MACROH2A1: variants seen among roughly 807,000 people sequenced by gnomAD.
MACROH2A1 encodes macroH2A.1 histone, also known as core histone macro-H2A.1.
Under a neutral mutation model 31.6 loss-of-function variants are expected in MACROH2A1, and 2 were observed. The ratio of observed to expected loss-of-function variants is 0.06; its 90% CI spans 0.03 to 0.20. The LOEUF is 0.20. MACROH2A1 is among the 10% of genes least tolerant of loss of function. The probability of loss-of-function intolerance (pLI) is 1.00; values close to 1 mark genes in which losing one functional copy is unlikely to be tolerated. For synonymous variants in MACROH2A1, 169 were observed against 189.6 expected (o/e 0.89, Z 0.89); for missense variants, 230 against 474.0 (o/e 0.49, Z 4.78).
At chr5:135,355,335 A>C (rs779163138) in intron 5 of MACROH2A1, 1 of 445,118 alleles carries the variant, frequency 2.2e-6, no homozygotes, top group South Asian at 1.6e-5. Context: ...GGAAGTGCAG[A>C]CTACAGTACC....
chr5:135,369,633 G>C lies in MACROH2A1; in HGVS notation c.280-30C>G, dbSNP rs1269477444. 8 of 1,557,500 alleles carry C rather than the reference G, an allele frequency of 5.1e-6. No individual in the cohort carries two copies. Among genetic ancestry groups the C allele is most frequent in the Non-Finnish European group, 6.2e-6 (7 of 1,129,910 alleles). Reference sequence around the variant, plus strand: ...CAGGAAAACCAGAATAGCAGATAGTGAGCCAGATACCCTGCTTCTAACCTT... The same window carrying C: ...CAGGAAAACCAGAATAGCAGATAGTCAGCCAGATACCCTGCTTCTAACCTT... On this transcript the variant is annotated intron_variant, in intron 3 of 8. Transcript: ENST00000511689. The surrounding 1 kb of genome is among the most constrained non-coding windows in gnomAD (Gnocchi z 4.3).
intron 5 of MACROH2A1, chr5:135,359,166 A>C (rs1466609158): frequency 1.0e-6 from 1 of 985,380 alleles, no homozygotes; most frequent in African/African-American, 1.7e-5. Context: ...TAACAAGAAC[A>C]TAGGCAGGGG....
intron 1 of MACROH2A1, among the ~76,000 whole-genome samples, chr5:135,393,290 T>G (rs1767506852): frequency 6.6e-6 from 1 of 152,156 alleles, no homozygotes; most frequent in African/African-American, 2.4e-5. Flanking sequence ...GCACATCACT[T>G]CTGACCATGA....
chr5:135,385,280 T>G (rs1766235838), intron 2 of MACROH2A1, among the ~76,000 whole-genome samples: 1 of 152,226 alleles, frequency 6.6e-6, no homozygotes, highest in Non-Finnish European at 1.5e-5. Context: ...CTCTGGTAAC[T>G]GGTTAACAAG....
At chr5:135,343,586 G>T in intron 7 of MACROH2A1, 152 bp from the exon 8 acceptor site, 1 of 1,228,126 alleles carries the variant, frequency 8.1e-7, no homozygotes, top group Non-Finnish European at 1.1e-6. Context: ...CTGCTGCGTT[G>T]TGATTCCAAC....
rs764735355 is a variant in MACROH2A1, at chr5:135,369,859, A to T, written c.279+177T>A. 1.3e-5 allele frequency among the ~76,000 whole-genome samples: 2 copies of T among 152,098 alleles called. No homozygotes were observed. Among genetic ancestry groups the T allele is most frequent in the Non-Finnish European group, 2.9e-5 (2 of 68,024 alleles). ...TACCTTGTATTATCCTGCTTCCCCCAACACTCCCAATAAGGCCTTGGGGAA... is the reference window on the plus strand; with the variant it reads ...TACCTTGTATTATCCTGCTTCCCCCTACACTCCCAATAAGGCCTTGGGGAA... On this transcript the variant is annotated intron_variant, in intron 3 of 8. Transcript: ENST00000511689. This position sits in a 1 kb window ranked among gnomAD's most constrained non-coding sequence, Gnocchi z 4.3.
intron 8 of MACROH2A1, among the ~76,000 whole-genome samples, chr5:135,336,644 A>T (rs373993540): frequency 1.6e-5 from 2 of 126,230 alleles, no homozygotes; most frequent in Admixed American, 1.4e-4. Flanking sequence ...ATTCTAGACT[A>T]GACTAACAGG....
chr5:135,364,876 C>A (rs1763301164), intron 4 of MACROH2A1, among the ~76,000 whole-genome samples: 1 of 152,166 alleles, frequency 6.6e-6, no homozygotes, highest in African/African-American at 2.4e-5. Context: ...ATTTATTCCT[C>A]AACAAGAGAA....
intron 6 of MACROH2A1, chr5:135,350,616 G>C: frequency 2.0e-6 from 1 of 495,006 alleles, no homozygotes; most frequent in Non-Finnish European, 3.6e-6. Flanking sequence ...ATGTCCATTT[G>C]TGAGCTGCAT....
chr5:135,371,852 G>A (rs747873268), intron 2 of MACROH2A1, among the ~76,000 whole-genome samples: 2 of 152,154 alleles, frequency 1.3e-5, no homozygotes, highest in Non-Finnish European at 2.9e-5. Flanking sequence ...CCAGCACTCA[G>A]AATCATTATG....
chr5:135,390,343 T>G (rs1011075398), intron 1 of MACROH2A1, among the ~76,000 whole-genome samples: 3 of 152,214 alleles, frequency 2.0e-5, no homozygotes, highest in Non-Finnish European at 4.4e-5. Context: ...CCTAACTGTA[T>G]TCCTACTGTA....
intron 1 of MACROH2A1, chr5:135,389,329 T>G: frequency 2.6e-6 from 1 of 383,680 alleles, no homozygotes; most frequent in Non-Finnish European, 4.7e-6. Flanking sequence ...GCACAATTTA[T>G]ACCATGACAT....
intron 2 of MACROH2A1, among the ~76,000 whole-genome samples, chr5:135,388,624 G>C (rs1201656159): frequency 1.3e-5 from 2 of 152,158 alleles, no homozygotes; most frequent in African/African-American, 2.4e-5. Flanking sequence ...AAATTATAAA[G>C]TACATTATTG....
At chr5:135,341,178 A>G (rs1458611144) in intron 8 of MACROH2A1, among the ~76,000 whole-genome samples, 1 of 152,272 alleles carries the variant, frequency 6.6e-6, no homozygotes, top group African/African-American at 2.4e-5. Flanking sequence ...ACTGAGCCTC[A>G]GAACCATTTG....
intron 2 of MACROH2A1, 61 bp downstream of exon 2, chr5:135,388,861 G>T: frequency 1.5e-6 from 2 of 1,357,496 alleles, no homozygotes; most frequent in Non-Finnish European, 2.0e-6. Flanking sequence ...GGTCTTTGGA[G>T]AACTATGAGA....
intron 4 of MACROH2A1, among the ~76,000 whole-genome samples, chr5:135,364,706 C>T (rs1763276682): frequency 6.6e-6 from 1 of 152,168 alleles, no homozygotes; most frequent in South Asian, 2.1e-4. Context: ...AATCATCACC[C>T]CATGTTTACC....
chr5:135,397,225 C>T (rs1372006911), intron 1 of MACROH2A1, among the ~76,000 whole-genome samples: 2 of 152,136 alleles, frequency 1.3e-5, no homozygotes, highest in Non-Finnish European at 2.9e-5. Context: ...AACACATGCC[C>T]TCTGAGCTTC....
intron 4 of MACROH2A1, among the ~76,000 whole-genome samples, chr5:135,363,272 A>G (rs1261208184): frequency 1.3e-5 from 2 of 152,196 alleles, no homozygotes; most frequent in South Asian, 2.1e-4. Context: ...AGAAAGTAGT[A>G]AAGCACTCCA....
intron 1 of MACROH2A1, among the ~76,000 whole-genome samples, chr5:135,393,647 C>G (rs1767559994): frequency 6.6e-6 from 1 of 152,224 alleles, no homozygotes; most frequent in Non-Finnish European, 1.5e-5. Context: ...TTCCTTCCTT[C>G]AGTAAACCAG....
Sources: gnomAD v4.1 joint callset for allele counts (sites outside exome capture counted in the v4.1 genomes callset) on GRCh38, gnomAD v4.1.1 for gene constraint, Gnocchi (gnomAD v3.1) non-coding constraint, MANE v1.5 for transcripts, NCBI Gene and HGNC (gene_info 2026-07-23, HGNC 2026-07-21) for gene names.